CDRT4: variants seen among roughly 807,000 people sequenced by gnomAD.
CDRT4 encodes the protein CMT1A duplicated region transcript 4.
For synonymous variants in CDRT4, 64 were observed against 69.6 expected, an observed-to-expected ratio of 0.92 and a Z score of 0.40; for missense variants, 167 against 193.1, an observed-to-expected ratio of 0.87 and a Z score of 0.80.
At chr17:15,441,122 C>G (rs1223436451) in intron 2 of CDRT4, among the ~76,000 whole-genome samples, 1 of 152,162 alleles carries the variant, frequency 6.6e-6, no homozygotes, top group Non-Finnish European at 1.5e-5. Context: ...TCTCTTTGGC[C>G]TTTAAGCACT....
intron 1 of CDRT4, among the ~76,000 whole-genome samples, chr17:15,463,683 G>T (rs546136336): frequency 1.3e-5 from 2 of 152,178 alleles, no homozygotes; most frequent in South Asian, 4.2e-4. Flanking sequence ...TCTGCGGTGG[G>T]CTCTCCACTC....
chr17:15,445,919 A>G (rs568164478), intron 2 of CDRT4, among the ~76,000 whole-genome samples: 2 of 151,856 alleles, frequency 1.3e-5, no homozygotes, highest in Admixed American at 6.6e-5. Context: ...GCAAACCCTC[A>G]TTTCACCTCT....
rs373297838 is a variant in CDRT4, at chr17:15,447,989, C to T, written c.-48+5015G>A. The stretch of plus-strand genomic sequence containing the variant: ...GCTCAGAGACCCTCTCTCTGCCTGA[C>T]AGCTCCTGAGCAGTGTGACTATTAA... On this transcript the variant is annotated intron_variant, in intron 2 of 3. Coordinates refer to ENST00000619038, the MANE Select transcript of CDRT4 (RefSeq NM_001204477.2). Among the ~76,000 whole-genome samples the T allele has an allele frequency of 1.5e-4, 23 of 152,332 alleles. No individual in the cohort carries two copies. The South Asian group carries it at 2.9e-3, about 19-fold the overall frequency.
rs141997593 is a variant in CDRT4 at position 15,443,993 on chromosome 17, C to A, written c.-47-3708G>T. 3.8e-3 allele frequency: 2,849 copies of A among 742,432 alleles called. 15 individuals are homozygous for A. Among genetic ancestry groups the A allele is most frequent in the Non-Finnish European group, 5.3e-3 (2,219 of 420,224 alleles). 46.0% of individuals were successfully genotyped at this position (742,432 alleles called of 1,614,324 possible). A position where few individuals can be genotyped will look rare whatever the true frequency, so the allele number is the denominator to read the frequency against. On this transcript the variant is annotated intron_variant, in intron 2 of 3. Coordinates refer to ENST00000619038, the MANE Select transcript of CDRT4 (RefSeq NM_001204477.2). ...AAAATTTCTTGGGTGAAAAATACATCCACAGGGTTTGGATGAGACCAAGTG... is the reference window on the plus strand; with the variant it reads ...AAAATTTCTTGGGTGAAAAATACATACACAGGGTTTGGATGAGACCAAGTG...
chr17:15,445,545 T>C (rs1978986919), intron 2 of CDRT4, among the ~76,000 whole-genome samples: 1 of 152,204 alleles, frequency 6.6e-6, no homozygotes, highest in South Asian at 2.1e-4. Flanking sequence ...GGTCATCTCA[T>C]GGAACTAGCA....
Position 15,437,266 on chromosome 17 carries a change from C to CT in CDRT4, c.*506dup, listed in dbSNP as rs1325616696. ...ATCCCCACTCCCCCACCTCAGAAGT[C>CT]TGAGATTCAGCCCCATGTCCCTTCT... On this transcript the variant is annotated 3_prime_UTR_variant, in exon 4 of 4. Transcript: ENST00000619038. 6.1e-6 allele frequency: 1 copy of CT among 164,672 alleles called. No homozygotes were observed. The highest frequency in any genetic ancestry group is 5.7e-5 in the Admixed American group (1 of 17,652). 10.2% of individuals were successfully genotyped at this position (164,672 alleles called of 1,614,324 possible). A position where few individuals can be genotyped will look rare whatever the true frequency, so the allele number is the denominator to read the frequency against.
At chr17:15,463,890 G>A (rs759486605) in intron 1 of CDRT4, among the ~76,000 whole-genome samples, 28 of 152,298 alleles carry the variant, frequency 1.8e-4, no homozygotes, top group Middle Eastern at 3.4e-3. Flanking sequence ...GGGATCAGTA[G>A]CTGGTGGGGA....
rs781668609 is a variant in CDRT4 at position 15,440,241 on chromosome 17, T to G, written c.-3A>C. 6.2e-7 allele frequency: 1 copy of G among 1,613,708 alleles called. No homozygotes were observed. ...TTCTTCATCCTTCTTGCATCCATCT[T>G]CTTTTTAATATTTACTGATTTCTTA... On this transcript the variant is annotated 5_prime_UTR_variant, in exon 3 of 4. Transcript: ENST00000619038.
rs2056895898 is a variant in CDRT4, at chr17:15,453,072, A to T, written c.-116T>A. ...TCTCTTAAAGTTCCTGGTGCAGCTCATTTCACTGGGTTCCTGAGAAACACA... is the reference window on the plus strand; with the variant it reads ...TCTCTTAAAGTTCCTGGTGCAGCTCTTTTCACTGGGTTCCTGAGAAACACA... On this transcript the variant is annotated 5_prime_UTR_variant, in exon 2 of 4. It removes an upstream start codon present in the reference 5' UTR. Coordinates refer to ENST00000619038, the MANE Select transcript of CDRT4 (RefSeq NM_001204477.2). 1.3e-5 allele frequency: 2 copies of T among 152,216 alleles called. No homozygotes were observed. Among genetic ancestry groups the T allele is most frequent in the Non-Finnish European group, 2.9e-5 (2 of 68,036 alleles). The allele number at this position is 152,216 out of a possible 1,614,324, so 9.4% of individuals were successfully genotyped here.
At position 15,462,840 on chromosome 17, in the gene CDRT4, G is replaced by A. The variant is rs185865880; in HGVS notation, c.-130+4620C>T. Among the ~76,000 whole-genome samples the A allele has an allele frequency of 1.8e-4, 28 of 152,324 alleles. No individual in the cohort carries two copies. In the East Asian group the frequency reaches 4.4e-3, roughly 24 times the overall value. ...AGGGGTTATCGATGGGAGAAGGAAGGAGGGAGGTTTCTAGAAGCTAGCAGT... is the reference window on the plus strand; with the variant it reads ...AGGGGTTATCGATGGGAGAAGGAAGAAGGGAGGTTTCTAGAAGCTAGCAGT... On this transcript the variant is annotated intron_variant, in intron 1 of 3. Coordinates refer to ENST00000619038, the MANE Select transcript of CDRT4 (RefSeq NM_001204477.2).
chr17:15,449,930 A>G (rs991865300), intron 2 of CDRT4, among the ~76,000 whole-genome samples: 1 of 152,178 alleles, frequency 6.6e-6, no homozygotes, highest in Non-Finnish European at 1.5e-5. Flanking sequence ...CATGGCATAT[A>G]TATGCCACAT....
intron 3 of CDRT4, among the ~76,000 whole-genome samples, chr17:15,439,626 TCTGCCACCATAACAAGAG>T (rs1978662297): frequency 6.6e-6 from 1 of 152,202 alleles, no homozygotes; most frequent in Admixed American, 6.5e-5. Flanking sequence ...TGCTGTGTTC[TCTGCCACCATAACAAGAG>T]TGGCTGCCCG....
Position 15,451,926 on chromosome 17 carries a change from C to T in CDRT4, c.-48+1078G>A, listed in dbSNP as rs150346266. Among the ~76,000 whole-genome samples the T allele has an allele frequency of 2.5e-3, 384 of 152,350 alleles. 2 individuals carry two copies. The highest frequency in any genetic ancestry group is 9.0e-3 in the African/African-American group (373 of 41,586). ...ATGATCTCATCCATCACATTCATTG[C>T]TCTGTCCCCAGGCTCTTGGGTCAAA... is the stretch of plus-strand genomic sequence containing the variant. On this transcript the variant is annotated intron_variant, in intron 2 of 3. Transcript: ENST00000619038.
intron 2 of CDRT4, among the ~76,000 whole-genome samples, chr17:15,446,000 C>T (rs537222271): frequency 6.6e-6 from 1 of 152,262 alleles, no homozygotes; most frequent in South Asian, 2.1e-4. Context: ...TTCCCTCTAG[C>T]CACTCCTCAT....
At chr17:15,449,596 CTGTT>C (rs1412491324) in intron 2 of CDRT4, among the ~76,000 whole-genome samples, 3 of 152,002 alleles carry the variant, frequency 2.0e-5, no homozygotes, top group South Asian at 2.1e-4. Context: ...GTCCGTGTGC[CTGTT>C]TGTTACGTGG....
Position 15,437,970 on chromosome 17 carries a change from C to A in CDRT4, c.262G>T (p.Ala88Ser). 1 of 1,614,198 alleles carries A rather than the reference C, an allele frequency of 6.2e-7. No homozygotes were observed. The highest frequency in any genetic ancestry group is 1.1e-5 in the South Asian group (1 of 91,088). Reference sequence around the variant, plus strand: ...TCTGACAGCGTGTCCCTGAACACAGCTTTGCCAGAAGACTTGGAAGACTTC... The same window carrying A: ...TCTGACAGCGTGTCCCTGAACACAGATTTGCCAGAAGACTTGGAAGACTTC... ...RRKSSKSSGK[A>S]VFRDTLSEST... The change falls in exon 4 of 4, where the codon GCT (alanine) becomes TCT (serine). Residue 88 changes from alanine (A) to serine (S), a missense_variant. Physicochemically the swap from Ala to Ser is moderately conservative, Grantham distance 99 (BLOSUM62 1). Transcript: ENST00000619038.
At chr17:15,444,718 G>C (rs1002120341) in intron 2 of CDRT4, among the ~76,000 whole-genome samples, 1 of 144,776 alleles carries the variant, frequency 6.9e-6, no homozygotes, top group Non-Finnish European at 1.5e-5. Flanking sequence ...CAAGCGCAGA[G>C]AGAGAGAGAG....
intron 3 of CDRT4, among the ~76,000 whole-genome samples, chr17:15,438,934 A>G (rs962090152): frequency 6.6e-6 from 1 of 152,216 alleles, no homozygotes; most frequent in Non-Finnish European, 1.5e-5. Flanking sequence ...ACAAGGCTCA[A>G]AAAAACCAAA....
chr17:15,457,105 G>A lies in CDRT4; in HGVS notation c.-129-4020C>T, dbSNP rs144337937. On this transcript the variant is annotated intron_variant, in intron 1 of 3. Transcript: ENST00000619038. ...GCCTCTGTACCTCGGTTTCCTCCTG[G>A]GTAAAAATGAGGATTGAGGTCTGCT... Among the ~76,000 whole-genome samples, 85 of 152,096 alleles carry A rather than the reference G, an allele frequency of 5.6e-4. No individual in the cohort carries two copies. The East Asian group carries it at 0.015, about 27-fold the overall frequency.
Sources: allele counts gnomAD v4.1 joint callset (sites outside exome capture counted in the v4.1 genomes callset), GRCh38; gene constraint gnomAD v4.1.1; transcripts MANE v1.5; gene names NCBI Gene and HGNC (gene_info 2026-07-23, HGNC 2026-07-21).